ZFR2: variants seen among roughly 807,000 people sequenced by gnomAD.
The protein encoded by ZFR2 is zinc finger RNA binding protein 2, also known as zinc finger RNA-binding protein 2.
Under a neutral mutation model 105.7 loss-of-function variants are expected in ZFR2, and 104 were observed. The observed-to-expected ratio is 0.98, with a 90% CI of 0.84 to 1.16. The LOEUF is 1.16. ZFR2 is among the 50% of genes most tolerant of loss of function. The pLI is 0.00. For synonymous variants in ZFR2, 634 were observed against 597.7 expected, an observed-to-expected ratio of 1.06 and a Z score of -0.89; for missense variants, 1,425 against 1,355.5, an observed-to-expected ratio of 1.05 and a Z score of -0.80.
chr19:3,847,649 A>T (rs1211778252), intron 1 of ZFR2, among the ~76,000 whole-genome samples: 1 of 152,236 alleles, frequency 6.6e-6, no homozygotes, highest in Admixed American at 6.5e-5. Flanking sequence ...ACACGGGGAG[A>T]GGCTCAGGCC....
rs772371092 is a variant in ZFR2, at chr19:3,833,725, C to G, written c.318G>C (p.Pro106=). 1 of 1,582,476 alleles carries G rather than the reference C, an allele frequency of 6.3e-7. No individual in the cohort carries two copies. The highest frequency in any genetic ancestry group is 1.3e-5 in the African/African-American group (1 of 74,290). The change falls in exon 3 of 19, where the codon CCG becomes CCC. Residue 106 remains proline (P), a synonymous_variant. Coordinates refer to ENST00000262961, the MANE Select transcript of ZFR2 (RefSeq NM_015174.2). ...ACTGGAGGGCAGCAGACTGGAAGTACGGCCTGTCCTCATAGCTCCTGGCAG... is the reference window on the plus strand; with the variant it reads ...ACTGGAGGGCAGCAGACTGGAAGTAGGGCCTGTCCTCATAGCTCCTGGCAG... ...SAAARSYEDR[P]YFQSAALQSG...
In ZFR2 at chr19:3,834,637, C is replaced by G. The variant is rs551340640; in HGVS notation, c.264+136G>C. Reference sequence around the variant, plus strand: ...TCTCCCCACCACGGGTACGCAATGCCAGCAGAAGGGTCCCGAAGGAAGGAT... The same window carrying G: ...TCTCCCCACCACGGGTACGCAATGCGAGCAGAAGGGTCCCGAAGGAAGGAT... On this transcript the variant is annotated intron_variant, in intron 2 of 18. Transcript: ENST00000262961. This position sits in a 1 kb window ranked among gnomAD's most constrained non-coding sequence, Gnocchi z 5.3. The G allele has an allele frequency of 4.1e-6, 4 of 966,280 alleles. No individual in the cohort carries two copies. The highest frequency in any genetic ancestry group is 4.7e-6 in the Non-Finnish European group (3 of 640,352). 59.9% of individuals were successfully genotyped at this position (966,280 alleles called of 1,614,324 possible).
chr19:3,868,955 G>C lies in ZFR2; in HGVS notation c.53+10C>G. 16 of 1,308,544 alleles carry C rather than the reference G, an allele frequency of 1.2e-5. No individual in the cohort carries two copies. The highest frequency in any genetic ancestry group is 1.6e-5 in the Non-Finnish European group (16 of 1,020,222). 81.1% of individuals were successfully genotyped at this position (1,308,544 alleles called of 1,614,324 possible). A position where few individuals can be genotyped will look rare whatever the true frequency, so the allele number is the denominator to read the frequency against. On this transcript the variant is annotated intron_variant, in intron 1 of 18. Transcript: ENST00000262961. Reference sequence around the variant, plus strand: ...GGGACTGGCGGGGGCTGGCGCGGCGGGGCAGTTACCTGTACTGCGGGCCGC... The same window carrying C: ...GGGACTGGCGGGGGCTGGCGCGGCGCGGCAGTTACCTGTACTGCGGGCCGC...
At chr19:3,811,906 G>A (rs998909734) in intron 14 of ZFR2, among the ~76,000 whole-genome samples, 6 of 152,052 alleles carry the variant, frequency 3.9e-5, no homozygotes, top group Admixed American at 1.3e-4. Flanking sequence ...GACTGCAGGC[G>A]TGCACCACCA....
At chr19:3,842,067 C>T (rs1337696700) in intron 1 of ZFR2, among the ~76,000 whole-genome samples, 1 of 151,470 alleles carries the variant, frequency 6.6e-6, no homozygotes, top group Non-Finnish European at 1.5e-5. Context: ...GGCTGTAGTG[C>T]AGTGGCATGA....
At position 3,846,115 on chromosome 19, in the gene ZFR2, T is replaced by C. The variant is rs560457349; in HGVS notation, c.54-11132A>G. 9.8e-5 allele frequency among the ~76,000 whole-genome samples: 15 copies of C among 152,354 alleles called. No homozygotes were observed. In the East Asian group the frequency reaches 2.3e-3, roughly 24 times the overall value. On this transcript the variant is annotated intron_variant, in intron 1 of 18. Transcript: ENST00000262961. ...CTTCAGTCTCCCAAGTAGCTGGGACTAAAGGCGTGTGCCACCACGCCTGGC... is the reference window on the plus strand; with the variant it reads ...CTTCAGTCTCCCAAGTAGCTGGGACCAAAGGCGTGTGCCACCACGCCTGGC...
intron 1 of ZFR2, among the ~76,000 whole-genome samples, chr19:3,850,778 C>T (rs2038229820): frequency 6.6e-6 from 1 of 151,408 alleles, no homozygotes; most frequent in African/African-American, 2.4e-5. Flanking sequence ...AAAAACCACA[C>T]TTTGCGCCTG....
intron 1 of ZFR2, among the ~76,000 whole-genome samples, chr19:3,839,108 A>G (rs1233948836): frequency 6.6e-6 from 1 of 152,078 alleles, no homozygotes; most frequent in Admixed American, 6.6e-5. Context: ...GGGTGTTTTC[A>G]TCTCTCCCAG....
chr19:3,834,618 C>G lies in ZFR2; in HGVS notation c.264+155G>C, dbSNP rs1034556225. On this transcript the variant is annotated intron_variant, in intron 2 of 18. Coordinates refer to ENST00000262961, the MANE Select transcript of ZFR2 (RefSeq NM_015174.2). The surrounding 1 kb of genome is among the most constrained non-coding windows in gnomAD (Gnocchi z 5.3). Reference sequence around the variant, plus strand: ...AAGCGACTCTGCCCTGATTTCTCCCCACCACGGGTACGCAATGCCAGCAGA... The same window carrying G: ...AAGCGACTCTGCCCTGATTTCTCCCGACCACGGGTACGCAATGCCAGCAGA... 6.6e-6 allele frequency among the ~76,000 whole-genome samples: 1 copy of G among 152,182 alleles called. No individual in the cohort carries two copies. Among genetic ancestry groups the G allele is most frequent in the African/African-American group, 2.4e-5 (1 of 41,436 alleles).
rs1465089883 is a variant in ZFR2 at position 3,825,211 on chromosome 19, C to T, written c.1213+19G>A. 6.0e-6 allele frequency: 9 copies of T among 1,494,864 alleles called. No individual in the cohort carries two copies. The highest frequency in any genetic ancestry group is 1.4e-5 in the African/African-American group (1 of 69,106). The allele number at this position is 1,494,864 out of a possible 1,614,324, so 92.6% of individuals were successfully genotyped here. Reference sequence around the variant, plus strand: ...CAGGGCTCTGGTGGGTACACGAACACGCATACAGACACACGTACCCTCGCA... The same window carrying T: ...CAGGGCTCTGGTGGGTACACGAACATGCATACAGACACACGTACCCTCGCA... On this transcript the variant is annotated intron_variant, in intron 7 of 18. Coordinates refer to ENST00000262961, the MANE Select transcript of ZFR2 (RefSeq NM_015174.2).
intron 15 of ZFR2, 114 bp from the exon 16 acceptor site, chr19:3,810,959 C>G: frequency 8.3e-7 from 1 of 1,209,198 alleles, no homozygotes; most frequent in East Asian, 2.7e-5. Context: ...GCCTGGCGGG[C>G]CTCGAAGGTG....
chr19:3,837,700 A>G (rs202174964), intron 1 of ZFR2, among the ~76,000 whole-genome samples: 2,210 of 151,484 alleles, frequency 0.015, 63 homozygotes, highest in African/African-American at 0.05. Context: ...GTGACACTCA[A>G]TGAACACCGT....
intron 18 of ZFR2, 132 bp downstream of exon 18, chr19:3,807,040 C>T (rs934876976): frequency 1.7e-5 from 12 of 690,886 alleles, no homozygotes; most frequent in African/African-American, 3.6e-5. Context: ...ACCCACGGGC[C>T]GCCCTCCTGT....
At position 3,807,814 on chromosome 19, in the gene ZFR2, G is replaced by A. The variant is rs372471461; in HGVS notation, c.2546-545C>T. ...CGCCTGTGTGTGCAAGCATGTCCAC[G>A]TGTGCCTGTATGTGCACTCATTCCA... On this transcript the variant is annotated intron_variant, in intron 17 of 18. Coordinates refer to ENST00000262961, the MANE Select transcript of ZFR2 (RefSeq NM_015174.2). Among the ~76,000 whole-genome samples, 3 of 147,558 alleles carry A rather than the reference G, an allele frequency of 2.0e-5. No homozygotes were observed. In the South Asian group the frequency reaches 6.5e-4, roughly 32 times the overall value.
At chr19:3,826,852 TG>T (rs376875135) in intron 6 of ZFR2, among the ~76,000 whole-genome samples, 3 of 152,290 alleles carry the variant, frequency 2.0e-5, no homozygotes, top group African/African-American at 7.2e-5. Context: ...AAGCCCTGTC[TG>T]TCACCACGCC....
intron 7 of ZFR2, among the ~76,000 whole-genome samples, chr19:3,824,230 G>A (rs1397786314): frequency 6.6e-6 from 1 of 152,178 alleles, no homozygotes; most frequent in Non-Finnish European, 1.5e-5. Flanking sequence ...AGCCCAGGAG[G>A]TGGAGGCTGC....
chr19:3,815,153 T>G (rs183355683), intron 13 of ZFR2, among the ~76,000 whole-genome samples: 2 of 152,310 alleles, frequency 1.3e-5, no homozygotes, highest in East Asian at 3.9e-4. Context: ...GCAGTGGCAC[T>G]ATCTCTGCTC....
intron 1 of ZFR2, among the ~76,000 whole-genome samples, chr19:3,860,552 G>A (rs1454789180): frequency 6.6e-6 from 1 of 152,170 alleles, no homozygotes; most frequent in Non-Finnish European, 1.5e-5. Flanking sequence ...GGACTGATGG[G>A]CTTGTCCTCT....
At chr19:3,814,046 T>C (rs2037800305) in intron 13 of ZFR2, 88 bp from the exon 14 acceptor site, 1 of 1,555,420 alleles carries the variant, frequency 6.4e-7, no homozygotes, top group Non-Finnish European at 8.7e-7. Context: ...TGTGTGTAAA[T>C]TAATCCCGTC....
Sources: allele counts gnomAD v4.1 joint callset (sites outside exome capture counted in the v4.1 genomes callset), GRCh38; gene constraint gnomAD v4.1.1; non-coding constraint Gnocchi (gnomAD v3.1); transcripts MANE v1.5; gene names NCBI Gene and HGNC (gene_info 2026-07-23, HGNC 2026-07-21).